RBFOX1: variants seen among roughly 807,000 people sequenced by gnomAD.
The protein encoded by RBFOX1 is RNA binding fox-1 homolog 1, also known as RNA binding protein fox-1 homolog 1.
RBFOX1 carries 8 observed loss-of-function variants against 57.7 expected under a neutral mutation model. That is an observed-to-expected ratio of 0.14 (90% CI 0.08 to 0.25). The LOEUF is 0.25. Among genes scored for constraint, RBFOX1 ranks in the 10% least tolerant of loss-of-function variants. The pLI is 1.00. For missense variants in RBFOX1, 611 were observed against 548.5 expected (o/e 1.11, Z -1.14); for synonymous variants, 326 against 222.4 (o/e 1.47, Z -4.15).
chr16:6,165,299 T>C (rs2096909137), intron 1 of RBFOX1, among the ~76,000 whole-genome samples: 1 of 152,206 alleles, frequency 6.6e-6, no homozygotes, highest in African/African-American at 2.4e-5. Flanking sequence ...TATTTACTTT[T>C]TTTTGGTTGA....
At chr16:7,291,544 A>G (rs1334948223) in intron 4 of RBFOX1, among the ~76,000 whole-genome samples, 1 of 152,148 alleles carries the variant, frequency 6.6e-6, no homozygotes, top group Non-Finnish European at 1.5e-5. Flanking sequence ...GTGAAGGGCA[A>G]ATGTTCAGCT....
intron 4 of RBFOX1, among the ~76,000 whole-genome samples, chr16:5,927,419 C>T (rs1221580962): frequency 6.6e-6 from 1 of 152,064 alleles, no homozygotes; most frequent in African/African-American, 2.4e-5. Flanking sequence ...AAAGTCATTA[C>T]CTTAGGTATT....
chr16:7,043,149 A>C (rs1158142190), intron 3 of RBFOX1, among the ~76,000 whole-genome samples: 1 of 152,010 alleles, frequency 6.6e-6, no homozygotes, highest in African/African-American at 2.4e-5. Context: ...TTACTCAGTA[A>C]GGGTTAGATC....
chr16:6,582,034 G>C (rs2097543614), intron 2 of RBFOX1, among the ~76,000 whole-genome samples: 1 of 152,186 alleles, frequency 6.6e-6, no homozygotes, highest in Admixed American at 6.5e-5. Flanking sequence ...CAGGGGTGCT[G>C]TACTGCTGCA....
At chr16:7,195,119 T>C (rs1029575533) in intron 4 of RBFOX1, among the ~76,000 whole-genome samples, 4 of 152,168 alleles carry the variant, frequency 2.6e-5, no homozygotes, top group African/African-American at 9.7e-5. Context: ...CACCCTTAAG[T>C]CTGTCAACTT....
rs1368601982 is a variant in RBFOX1 at position 5,267,488 on chromosome 16, G to T, written c.219+27383G>T. ...AATTTTTGTATTTTTAGTAGAGGCG[G>T]GGTTTCACCATGTTGGCCAGGCTGG... On this transcript the variant is annotated intron_variant, in intron 1 of 2. Coordinates refer to the RBFOX1 transcript ENST00000585867. Among the ~76,000 whole-genome samples, 8 of 151,862 alleles carry T rather than the reference G, an allele frequency of 5.3e-5. No individual in the cohort carries two copies. In the East Asian group the frequency reaches 1.6e-3, roughly 30 times the overall value.
intron 2 of RBFOX1, among the ~76,000 whole-genome samples, chr16:6,497,134 T>C (rs1161672099): frequency 6.6e-6 from 1 of 152,132 alleles, no homozygotes; most frequent in East Asian, 1.9e-4. Flanking sequence ...ATTAACCAAA[T>C]ATTACATTGC....
chr16:6,141,582 G>C (rs1195981441), intron 1 of RBFOX1, among the ~76,000 whole-genome samples: 1 of 151,934 alleles, frequency 6.6e-6, no homozygotes, highest in African/African-American at 2.4e-5. Flanking sequence ...TTCCCTGCTT[G>C]TCCAATCCAC....
intron 2 of RBFOX1, among the ~76,000 whole-genome samples, chr16:5,592,447 T>C (rs2047040164): frequency 6.6e-6 from 1 of 151,882 alleles, no homozygotes; most frequent in South Asian, 2.1e-4. Context: ...GATGGAGTCT[T>C]GCTTCATCGT....
chr16:6,268,682 AT>A (rs2074840505), intron 1 of RBFOX1, among the ~76,000 whole-genome samples: 1 of 152,208 alleles, frequency 6.6e-6, no homozygotes, highest in African/African-American at 2.4e-5. Flanking sequence ...ACAGTGGAAA[AT>A]TGAAAGAGTC....
rs75542541 is a variant in RBFOX1 at position 7,101,424 on chromosome 16, G to C, written c.27+49326G>C. The stretch of plus-strand genomic sequence containing the variant: ...ATTTCGTTCCAGAGTCTTGGTAATA[G>C]TGGTTACATAATATAGCAGTGAATG... On this transcript the variant is annotated intron_variant, in intron 4 of 15. Coordinates refer to ENST00000550418, the MANE Select transcript of RBFOX1 (RefSeq NM_018723.4). Among the ~76,000 whole-genome samples, 404 of 152,322 alleles carry C rather than the reference G, an allele frequency of 2.7e-3. 2 individuals carry two copies. Among genetic ancestry groups the C allele is most frequent in the African/African-American group, 9.0e-3 (375 of 41,590 alleles).
At chr16:5,338,437 A>G (rs1285875123) in intron 1 of RBFOX1, among the ~76,000 whole-genome samples, 2 of 152,192 alleles carry the variant, frequency 1.3e-5, no homozygotes, top group Admixed American at 6.5e-5. Flanking sequence ...GCTGGTTTGC[A>G]GAGAGAAAAT....
intron 3 of RBFOX1, among the ~76,000 whole-genome samples, chr16:6,754,199 C>T (rs1362616706): frequency 6.6e-6 from 1 of 152,168 alleles, no homozygotes; most frequent in Non-Finnish European, 1.5e-5. Flanking sequence ...GCAGCTACAG[C>T]TAGGAAAGTG....
chr16:5,954,450 G>A (rs1474638893), intron 4 of RBFOX1, among the ~76,000 whole-genome samples: 2 of 152,128 alleles, frequency 1.3e-5, no homozygotes, highest in East Asian at 1.9e-4. Flanking sequence ...TCTCGGTGAA[G>A]GTACAAAACA....
At chr16:7,636,911 G>T (rs1000719736) in intron 11 of RBFOX1, among the ~76,000 whole-genome samples, 1 of 152,082 alleles carries the variant, frequency 6.6e-6, no homozygotes, top group Non-Finnish European at 1.5e-5. Context: ...ATCTTATGAA[G>T]GGCCCACCCT....
At chr16:7,403,223 T>C (rs867745428) in intron 4 of RBFOX1, among the ~76,000 whole-genome samples, 1 of 152,184 alleles carries the variant, frequency 6.6e-6, no homozygotes, top group African/African-American at 2.4e-5. Flanking sequence ...AGCTCAGAGT[T>C]CCGTTTTTTG....
At chr16:5,704,580 T>A (rs1026805046) in intron 3 of RBFOX1, among the ~76,000 whole-genome samples, 2 of 152,228 alleles carry the variant, frequency 1.3e-5, no homozygotes, top group African/African-American at 4.8e-5. Context: ...CATCCCTGGT[T>A]TATTTACCCC....
chr16:7,068,882 C>G (rs971970464), intron 4 of RBFOX1, among the ~76,000 whole-genome samples: 43 of 152,218 alleles, frequency 2.8e-4, no homozygotes, highest in African/African-American at 9.6e-4. Context: ...AGCCACCGCG[C>G]CCGGCCTGAT....
intron 2 of RBFOX1, among the ~76,000 whole-genome samples, chr16:6,512,786 A>C (rs573711133): frequency 1.3e-5 from 2 of 152,286 alleles, no homozygotes; most frequent in East Asian, 3.9e-4. Context: ...AGGATGGAGT[A>C]GTCTCATTGT....
Sources: allele counts gnomAD v4.1 joint callset (sites outside exome capture counted in the v4.1 genomes callset), GRCh38; gene constraint gnomAD v4.1.1; transcripts MANE v1.5; gene names NCBI Gene and HGNC (gene_info 2026-07-23, HGNC 2026-07-21).